The following LEKR1 variants were observed in gnomAD, a reference collection of about 807,000 sequenced individuals.
LEKR1 encodes protein LEKR1.
Under a neutral mutation model 72.4 loss-of-function variants are expected in LEKR1, and 59 were observed. The observed-to-expected ratio is 0.82, with a 90% CI of 0.66 to 1.01. LEKR1 has a LOEUF of 1.01. Ranked by LOEUF, LEKR1 falls within the 50% of genes least tolerant of loss-of-function variation. The pLI, the probability that LEKR1 is intolerant of heterozygous loss-of-function variation, is 0.00. For synonymous variants in LEKR1, 257 were observed against 263.2 expected (o/e 0.98, Z 0.23); for missense variants, 728 against 759.2 (o/e 0.96, Z 0.48).
In LEKR1 at chr3:156,993,070, T is replaced by G. The variant is rs376993452; in HGVS notation, c.906-4T>G. 9 of 1,549,316 alleles carry G rather than the reference T, an allele frequency of 5.8e-6. No individual in the cohort carries two copies. The African/African-American group carries it at 1.2e-4, about 21-fold the overall frequency. On this transcript the variant is annotated splice_polypyrimidine_tract_variant and splice_region_variant and intron_variant, in intron 8 of 12. Transcript: ENST00000356539. ...TGGTGGGTGTTTTTCCTATTTCTTT[T>G]TAGGCATACTATGCTGCTTAAGGAA...
chr3:156,843,543 A>G (rs991273303), intron 2 of LEKR1, among the ~76,000 whole-genome samples: 4 of 152,178 alleles, frequency 2.6e-5, no homozygotes, highest in Non-Finnish European at 4.4e-5. Context: ...TAGAGAGCGC[A>G]CTGTTCTCTC....
At chr3:157,019,506 C>T (rs1410812925) in intron 10 of LEKR1, among the ~76,000 whole-genome samples, 1 of 152,028 alleles carries the variant, frequency 6.6e-6, no homozygotes, top group Non-Finnish European at 1.5e-5. Flanking sequence ...ATAATTAAAA[C>T]CTGGGATGTG....
At chr3:157,019,317 G>A (rs1733624945) in intron 10 of LEKR1, among the ~76,000 whole-genome samples, 1 of 151,852 alleles carries the variant, frequency 6.6e-6, no homozygotes, top group Non-Finnish European at 1.5e-5. Context: ...TAGTGAAAAG[G>A]CAGTATTTTG....
intron 2 of LEKR1, among the ~76,000 whole-genome samples, chr3:156,843,785 G>A (rs1714232937): frequency 6.6e-6 from 1 of 151,970 alleles, no homozygotes; most frequent in Admixed American, 6.6e-5. Flanking sequence ...AAAGAAAGTG[G>A]TCATACAAAT....
chr3:156,882,138 A>G (rs1259530689), intron 3 of LEKR1, among the ~76,000 whole-genome samples: 1 of 150,894 alleles, frequency 6.6e-6, no homozygotes, highest in Non-Finnish European at 1.5e-5. Context: ...AACAAAAGAC[A>G]AAATTGACAA....
At chr3:156,850,646 G>C (rs1043918480) in intron 2 of LEKR1, among the ~76,000 whole-genome samples, 1 of 152,158 alleles carries the variant, frequency 6.6e-6, no homozygotes, top group Non-Finnish European at 1.5e-5. Flanking sequence ...CTGTGCCAAA[G>C]GTGACCTAAG....
intron 3 of LEKR1, among the ~76,000 whole-genome samples, chr3:156,870,792 G>C (rs1486836791): frequency 2.6e-5 from 4 of 152,066 alleles, no homozygotes. Context: ...TCCCCATTCA[G>C]AATGATGTTA....
intron 4 of LEKR1, 22 bp from the exon 5 acceptor site, chr3:156,927,407 A>ATT (rs200029200): frequency 2.9e-3 from 2,317 of 803,396 alleles, no homozygotes; most frequent in South Asian, 5.0e-3. Context: ...TTAAAATCCT[A>ATT]TTTTTTTTTT....
At chr3:156,967,962 G>A (rs1244078379) in intron 6 of LEKR1, among the ~76,000 whole-genome samples, 2 of 152,172 alleles carry the variant, frequency 1.3e-5, no homozygotes, top group African/African-American at 4.8e-5. Context: ...GAGAGGCGGG[G>A]CCAATATTCA....
At chr3:156,935,927 G>A (rs1048846740) in intron 5 of LEKR1, among the ~76,000 whole-genome samples, 4 of 152,010 alleles carry the variant, frequency 2.6e-5, no homozygotes, top group Non-Finnish European at 4.4e-5. Flanking sequence ...TGACTAGTAC[G>A]GATAAATAGT....
intron 3 of LEKR1, among the ~76,000 whole-genome samples, chr3:156,868,524 A>G (rs1414452354): frequency 6.6e-6 from 1 of 152,044 alleles, no homozygotes; most frequent in Admixed American, 6.6e-5. Context: ...GGAAAAATGA[A>G]AAATTACTAA....
intron 3 of LEKR1, among the ~76,000 whole-genome samples, chr3:156,917,537 G>T (rs1348475463): frequency 2.6e-5 from 4 of 152,094 alleles, no homozygotes; most frequent in Non-Finnish European, 4.4e-5. Flanking sequence ...ATCACACAAA[G>T]AAATAGAAAT....
chr3:156,975,892 C>T (rs755703874), intron 6 of LEKR1, among the ~76,000 whole-genome samples: 11 of 152,082 alleles, frequency 7.2e-5, no homozygotes, highest in Admixed American at 6.6e-5. Context: ...GGGCCTTGTT[C>T]CTCATAATCC....
At chr3:157,021,599 C>T (rs1402541873) in intron 10 of LEKR1, among the ~76,000 whole-genome samples, 1 of 152,140 alleles carries the variant, frequency 6.6e-6, no homozygotes, top group African/African-American at 2.4e-5. Context: ...ACCAAGTTTG[C>T]ATATATTCTC....
intron 3 of LEKR1, among the ~76,000 whole-genome samples, chr3:156,872,171 G>A (rs1718032206): frequency 6.6e-6 from 1 of 151,780 alleles, no homozygotes; most frequent in South Asian, 2.1e-4. Context: ...TCAATTTTGG[G>A]AGGTTGTATG....
chr3:156,849,388 A>G (rs532839000), intron 2 of LEKR1, among the ~76,000 whole-genome samples: 4 of 152,312 alleles, frequency 2.6e-5, no homozygotes, highest in East Asian at 3.9e-4. Flanking sequence ...GACTTTCTTC[A>G]CAGAATTGGA....
chr3:157,028,579 C>T (rs1003720865), intron 12 of LEKR1, among the ~76,000 whole-genome samples, 177 bp downstream of exon 12: 1 of 152,174 alleles, frequency 6.6e-6, no homozygotes, highest in South Asian at 2.1e-4. Flanking sequence ...CTGTCCTTAA[C>T]TTTAGGCAGT....
intron 6 of LEKR1, among the ~76,000 whole-genome samples, chr3:156,952,345 C>A (rs1187792441): frequency 6.6e-6 from 1 of 151,324 alleles, no homozygotes; most frequent in African/African-American, 2.4e-5. Context: ...ATTTATTATA[C>A]CAGGAGCTGT....
chr3:157,013,753 T>A (rs1439262704), intron 10 of LEKR1, among the ~76,000 whole-genome samples: 1 of 152,128 alleles, frequency 6.6e-6, no homozygotes, highest in Admixed American at 6.6e-5. Context: ...AGTCTTCTCA[T>A]GAGAAAGGAG....
Sources: allele counts gnomAD v4.1 joint callset (sites outside exome capture counted in the v4.1 genomes callset), GRCh38; gene constraint gnomAD v4.1.1; transcripts MANE v1.5; gene names NCBI Gene and HGNC (gene_info 2026-07-23, HGNC 2026-07-21).